Variants in NKAIN3 observed in about 807,000 individuals in gnomAD.
The protein encoded by NKAIN3 is sodium/potassium transporting ATPase interacting 3, also known as sodium/potassium-transporting ATPase subunit beta-1-interacting protein 3.
A neutral mutation model predicts 30.2 loss-of-function variants in NKAIN3; 25 were observed. That is an observed-to-expected ratio of 0.83 (90% CI 0.60 to 1.16). The LOEUF (loss-of-function observed/expected upper bound fraction) is 1.16. NKAIN3 is among the 50% of genes most tolerant of loss of function. The pLI, the probability that NKAIN3 is intolerant of heterozygous loss-of-function variation, is 0.00. For missense variants in NKAIN3, 225 were observed against 254.1 expected, an observed-to-expected ratio of 0.89 and a Z score of 0.78; for synonymous variants, 91 against 89.6, an observed-to-expected ratio of 1.02 and a Z score of -0.09.
At chr8:62,610,221 T>C (rs1423171138) in intron 3 of NKAIN3, among the ~76,000 whole-genome samples, 1 of 151,958 alleles carries the variant, frequency 6.6e-6, no homozygotes, top group Admixed American at 6.6e-5. Flanking sequence ...GGCACATGCC[T>C]GTAATCCCAG....
intron 1 of NKAIN3, among the ~76,000 whole-genome samples, chr8:62,500,790 G>A (rs1807424021): frequency 6.6e-6 from 1 of 152,032 alleles, no homozygotes; most frequent in African/African-American, 2.4e-5. Context: ...CACCAAGAGG[G>A]GAATGATTCC....
rs944138506 is a variant in NKAIN3, at chr8:62,636,895, G to A, written c.273+47101G>A. The stretch of plus-strand genomic sequence containing the variant: ...AATAGTTACCTAAACTCATTTTATT[G>A]TGATTAACTCTATACTCTCTCACTT... On this transcript the variant is annotated intron_variant, in intron 3 of 6. Coordinates refer to ENST00000623646, the MANE Select transcript of NKAIN3 (RefSeq NM_001304533.3). 7.9e-5 allele frequency among the ~76,000 whole-genome samples: 12 copies of A among 152,098 alleles called. 1 individual carries two copies. The highest frequency in any genetic ancestry group is 2.9e-4 in the African/African-American group (12 of 41,422).
chr8:62,618,508 G>C (rs756857383), intron 3 of NKAIN3, among the ~76,000 whole-genome samples: 1 of 151,938 alleles, frequency 6.6e-6, no homozygotes, highest in East Asian at 1.9e-4. Flanking sequence ...TCGCTCGCTC[G>C]TGGTGGACAA....
intron 3 of NKAIN3, among the ~76,000 whole-genome samples, chr8:62,703,236 C>T (rs1163585135): frequency 6.6e-6 from 1 of 152,068 alleles, no homozygotes; most frequent in African/African-American, 2.4e-5. Flanking sequence ...TAAGTAATAG[C>T]ACTGCTTAAT....
intron 5 of NKAIN3, among the ~76,000 whole-genome samples, chr8:62,921,981 G>A (rs575734202): frequency 8.5e-5 from 13 of 152,304 alleles, no homozygotes; most frequent in Non-Finnish European, 1.8e-4. Context: ...ATATTAGGCT[G>A]CAAATTGCAA....
chr8:62,839,423 A>C (rs1026141882), intron 4 of NKAIN3, among the ~76,000 whole-genome samples: 2 of 152,074 alleles, frequency 1.3e-5, no homozygotes, highest in African/African-American at 2.4e-5. Context: ...TAGAAAAAAA[A>C]CAAAACATAC....
At chr8:62,294,732 A>G (rs1183554147) in intron 1 of NKAIN3, among the ~76,000 whole-genome samples, 1 of 151,986 alleles carries the variant, frequency 6.6e-6, no homozygotes, top group Non-Finnish European at 1.5e-5. Flanking sequence ...TTTGGTAGAG[A>G]TGGGGTCTCC....
chr8:62,896,286 G>A (rs1349444522), intron 4 of NKAIN3, among the ~76,000 whole-genome samples: 1 of 151,980 alleles, frequency 6.6e-6, no homozygotes, highest in African/African-American at 2.4e-5. Flanking sequence ...CTCATCATGG[G>A]GGCTCCACCC....
intron 4 of NKAIN3, among the ~76,000 whole-genome samples, chr8:62,909,499 G>A (rs1821872674): frequency 6.6e-6 from 1 of 152,084 alleles, no homozygotes; most frequent in Non-Finnish European, 1.5e-5. Flanking sequence ...TACTTTGCCT[G>A]TGTTTGTTAT....
intron 5 of NKAIN3, among the ~76,000 whole-genome samples, chr8:62,994,746 C>T: frequency 6.6e-6 from 1 of 152,098 alleles, no homozygotes; most frequent in Admixed American, 6.6e-5. Flanking sequence ...CCTCCATCTC[C>T]ATCTGGAGAG....
At chr8:62,293,506 A>T (rs1199978502) in intron 1 of NKAIN3, among the ~76,000 whole-genome samples, 2 of 152,198 alleles carry the variant, frequency 1.3e-5, no homozygotes, top group African/African-American at 4.8e-5. Flanking sequence ...GGTCCATTCC[A>T]GACCCTGTTT....
intron 3 of NKAIN3, among the ~76,000 whole-genome samples, chr8:62,695,412 C>T (rs1449548392): frequency 1.3e-5 from 2 of 152,028 alleles, no homozygotes; most frequent in African/African-American, 4.8e-5. Context: ...ATCGGTTAAA[C>T]GGGTATTGAG....
rs183555745 is a variant in NKAIN3 at position 62,667,981 on chromosome 8, G to A, written c.273+78187G>A. ...TACAGTTGCCATTCCTTCTGCCCCCGCATCTCCTCTGTCTTCCCATTCACA... is the reference window on the plus strand; with the variant it reads ...TACAGTTGCCATTCCTTCTGCCCCCACATCTCCTCTGTCTTCCCATTCACA... On this transcript the variant is annotated intron_variant, in intron 3 of 6. Coordinates refer to ENST00000623646, the MANE Select transcript of NKAIN3 (RefSeq NM_001304533.3). 2.9e-3 allele frequency among the ~76,000 whole-genome samples: 443 copies of A among 152,074 alleles called. 1 individual carries two copies. Among genetic ancestry groups the A allele is most frequent in the African/African-American group, 0.01 (422 of 41,472 alleles).
At chr8:62,539,509 TCA>T (rs1174956332) in intron 1 of NKAIN3, among the ~76,000 whole-genome samples, 3 of 152,202 alleles carry the variant, frequency 2.0e-5, no homozygotes, top group Non-Finnish European at 4.4e-5. Flanking sequence ...TTAAAAAGAT[TCA>T]GAGTTTCTTC....
At chr8:62,849,811 TC>T (rs1225865526) in intron 4 of NKAIN3, among the ~76,000 whole-genome samples, 1 of 152,064 alleles carries the variant, frequency 6.6e-6, no homozygotes, top group Non-Finnish European at 1.5e-5. Context: ...TGCATAGTAT[TC>T]CATGGTGTAT....
chr8:62,355,151 A>T (rs1816306693), intron 1 of NKAIN3, among the ~76,000 whole-genome samples: 1 of 152,194 alleles, frequency 6.6e-6, no homozygotes, highest in African/African-American at 2.4e-5. Context: ...GGGATGAGTC[A>T]CTTGTAGAAG....
chr8:62,604,059 G>A (rs533118346), intron 3 of NKAIN3, among the ~76,000 whole-genome samples: 14 of 152,118 alleles, frequency 9.2e-5, no homozygotes, highest in South Asian at 2.1e-4. Flanking sequence ...TGTCTGCTGC[G>A]GCACAGAACT....
At position 62,249,165 on chromosome 8, in the gene NKAIN3, C is replaced by G; in HGVS notation, c.54+38C>G. On this transcript the variant is annotated intron_variant, in intron 1 of 6. Transcript: ENST00000623646. ...AGGGCCCCTGCCCCAGGACAGGTCC[C>G]TGCTCCAGGACCGGCCTCTGCGACT... The G allele has an allele frequency of 2.7e-6, 4 of 1,500,192 alleles. No homozygotes were observed. In the South Asian group the frequency reaches 4.9e-5, roughly 18 times the overall value. The allele number at this position is 1,500,192 out of a possible 1,614,324, so 92.9% of individuals were successfully genotyped here.
intron 1 of NKAIN3, among the ~76,000 whole-genome samples, chr8:62,497,746 G>A (rs1453837840): frequency 1.3e-5 from 2 of 152,122 alleles, no homozygotes; most frequent in Non-Finnish European, 2.9e-5. Context: ...GTCCTGCACT[G>A]TGCAGTTGGT....
Sources: allele counts gnomAD v4.1 joint callset (sites outside exome capture counted in the v4.1 genomes callset), GRCh38; gene constraint gnomAD v4.1.1; transcripts MANE v1.5; gene names NCBI Gene and HGNC (gene_info 2026-07-23, HGNC 2026-07-21).